RGS7BP: variants seen among roughly 807,000 people sequenced by gnomAD.
The protein encoded by RGS7BP is regulator of G protein signaling 7 binding protein.
In RGS7BP, 9 loss-of-function variants were observed where a neutral mutation model predicts 31.3. That is an observed-to-expected ratio of 0.29 (90% confidence interval 0.17 to 0.50). The LOEUF (loss-of-function observed/expected upper bound fraction) is 0.50, where lower values mean the gene tolerates loss of function less well. Among genes scored for constraint, RGS7BP ranks in the 20% least tolerant of loss-of-function variants. The probability of loss-of-function intolerance (pLI) is 0.98; values close to 1 mark genes in which losing one functional copy is unlikely to be tolerated. For missense variants in RGS7BP, 274 were observed against 322.0 expected, an observed-to-expected ratio of 0.85 and a Z score of 1.14; for synonymous variants, 115 against 120.1, an observed-to-expected ratio of 0.96 and a Z score of 0.28.
In RGS7BP at chr5:64,555,631, A is replaced by C. The variant is rs149705971; in HGVS notation, c.333-20143A>C. ...TGATTACCTGGGATTTATAGCAAGGACTTGAGCTGAAAATGGACAAAGGGT... is the reference window on the plus strand; with the variant it reads ...TGATTACCTGGGATTTATAGCAAGGCCTTGAGCTGAAAATGGACAAAGGGT... On this transcript the variant is annotated intron_variant, in intron 2 of 5. Coordinates refer to ENST00000334025, the MANE Select transcript of RGS7BP (RefSeq NM_001029875.3). Among the ~76,000 whole-genome samples, 9 of 152,278 alleles carry C rather than the reference A, an allele frequency of 5.9e-5. No homozygotes were observed. The East Asian group carries it at 1.7e-3, about 29-fold the overall frequency.
intron 4 of RGS7BP, among the ~76,000 whole-genome samples, chr5:64,597,686 G>T (rs1330227305): frequency 6.6e-6 from 1 of 151,586 alleles, no homozygotes; most frequent in Non-Finnish European, 1.5e-5. Flanking sequence ...CTTGTAAGTG[G>T]GAGCTAAATG....
intron 2 of RGS7BP, among the ~76,000 whole-genome samples, chr5:64,566,482 A>G (rs1486909677): frequency 6.6e-6 from 1 of 151,900 alleles, no homozygotes; most frequent in Admixed American, 6.6e-5. Flanking sequence ...ATGATTATTC[A>G]TTAGGAGGTG....
intron 2 of RGS7BP, among the ~76,000 whole-genome samples, chr5:64,559,409 G>T (rs987804502): frequency 6.6e-6 from 1 of 152,108 alleles, no homozygotes; most frequent in Admixed American, 6.6e-5. Flanking sequence ...TGTTATATTT[G>T]GGGGAACCCT....
At chr5:64,538,089 T>C (rs1268092246) in intron 2 of RGS7BP, among the ~76,000 whole-genome samples, 1 of 152,252 alleles carries the variant, frequency 6.6e-6, no homozygotes, top group East Asian at 1.9e-4. Context: ...TGCATTATTT[T>C]ACCTACTTAG....
chr5:64,531,643 A>G (rs1035374092), intron 2 of RGS7BP, among the ~76,000 whole-genome samples: 4 of 152,298 alleles, frequency 2.6e-5, no homozygotes, highest in Middle Eastern at 3.4e-3. Flanking sequence ...TACATTTATT[A>G]TGCACTTTTC....
chr5:64,508,402 T>C (rs1424417491), intron 2 of RGS7BP, among the ~76,000 whole-genome samples: 1 of 152,178 alleles, frequency 6.6e-6, no homozygotes, highest in Non-Finnish European at 1.5e-5. Context: ...AGGGGTAAGT[T>C]TTAGCATAAG....
chr5:64,528,735 C>T (rs996322780), intron 2 of RGS7BP, among the ~76,000 whole-genome samples: 6 of 145,396 alleles, frequency 4.1e-5, no homozygotes, highest in African/African-American at 1.0e-4. Flanking sequence ...CGCTTGAACC[C>T]GGGAGGCAGA....
At chr5:64,567,605 T>C (rs1286621851) in intron 2 of RGS7BP, among the ~76,000 whole-genome samples, 2 of 152,166 alleles carry the variant, frequency 1.3e-5, no homozygotes, top group African/African-American at 2.4e-5. Context: ...AATTGAATAA[T>C]TTAAACATAG....
chr5:64,539,023 A>G (rs899155765), intron 2 of RGS7BP, among the ~76,000 whole-genome samples: 13 of 152,114 alleles, frequency 8.5e-5, no homozygotes, highest in South Asian at 4.1e-4. Context: ...TCCAGTTTTA[A>G]TGACATCTTC....
intron 2 of RGS7BP, among the ~76,000 whole-genome samples, chr5:64,524,120 T>G (rs1231591787): frequency 1.3e-5 from 2 of 152,238 alleles, no homozygotes; most frequent in African/African-American, 4.8e-5. Flanking sequence ...GAGAACACTG[T>G]ATATGAAATA....
At chr5:64,557,405 C>T (rs1336427955) in intron 2 of RGS7BP, among the ~76,000 whole-genome samples, 5 of 152,260 alleles carry the variant, frequency 3.3e-5, no homozygotes, top group Admixed American at 2.0e-4. Context: ...CTCTAATGAA[C>T]GATGTTTTCC....
At chr5:64,574,939 A>G (rs1742381287) in intron 2 of RGS7BP, among the ~76,000 whole-genome samples, 1 of 152,180 alleles carries the variant, frequency 6.6e-6, no homozygotes, top group Non-Finnish European at 1.5e-5. Flanking sequence ...TTTCTAATCT[A>G]TCTCTAAACT....
intron 2 of RGS7BP, among the ~76,000 whole-genome samples, chr5:64,543,783 G>C (rs1290905014): frequency 6.6e-6 from 1 of 152,184 alleles, no homozygotes; most frequent in East Asian, 1.9e-4. Context: ...AGGTTGAGTA[G>C]GGCTGGAGCA....
chr5:64,519,719 C>T (rs975493740), intron 2 of RGS7BP, among the ~76,000 whole-genome samples: 2 of 152,158 alleles, frequency 1.3e-5, no homozygotes, highest in Admixed American at 1.3e-4. Context: ...ACATATAATT[C>T]ATGTTTAAAT....
intron 2 of RGS7BP, among the ~76,000 whole-genome samples, chr5:64,552,532 A>T (rs1220385200): frequency 6.6e-6 from 1 of 152,190 alleles, no homozygotes; most frequent in African/African-American, 2.4e-5. Context: ...CTGACTCGAC[A>T]TACCTAACAT....
At chr5:64,588,808 G>A (rs1052238759) in intron 3 of RGS7BP, among the ~76,000 whole-genome samples, 1 of 151,138 alleles carries the variant, frequency 6.6e-6, no homozygotes, top group Non-Finnish European at 1.5e-5. Context: ...AGTATGGAGA[G>A]TACTTAAAAA....
intron 2 of RGS7BP, among the ~76,000 whole-genome samples, chr5:64,545,046 G>A (rs906114356): frequency 6.6e-6 from 1 of 151,816 alleles, no homozygotes; most frequent in Non-Finnish European, 1.5e-5. Flanking sequence ...TGTGGTGGTG[G>A]GCACCTGTAG....
chr5:64,546,881 T>G (rs1473344946), intron 2 of RGS7BP, among the ~76,000 whole-genome samples: 1 of 152,166 alleles, frequency 6.6e-6, no homozygotes, highest in South Asian at 2.1e-4. Flanking sequence ...CAGACAAAAA[T>G]GTAGAGCATT....
At chr5:64,512,250 TTAAGTA>T (rs1470661990) in intron 2 of RGS7BP, among the ~76,000 whole-genome samples, 1 of 152,186 alleles carries the variant, frequency 6.6e-6, no homozygotes, top group African/African-American at 2.4e-5. Context: ...GATCTTAAGT[TTAAGTA>T]TGACAACATG....
Sources: gnomAD v4.1 joint callset for allele counts (sites outside exome capture counted in the v4.1 genomes callset) on GRCh38, gnomAD v4.1.1 for gene constraint, MANE v1.5 for transcripts, NCBI Gene and HGNC (gene_info 2026-07-23, HGNC 2026-07-21) for gene names.